MGLL: variants seen among roughly 807,000 people sequenced by gnomAD.
The protein encoded by MGLL is monoglyceride lipase.
Under a neutral mutation model 29.1 loss-of-function variants are expected in MGLL, and 7 were observed. The observed-to-expected ratio is 0.24, with a 90% confidence interval of 0.14 to 0.45. The LOEUF (loss-of-function observed/expected upper bound fraction) is 0.45. MGLL is among the 20% of genes least tolerant of loss of function. The pLI, the probability that MGLL is intolerant of heterozygous loss-of-function variation, is 0.99. For missense variants in MGLL, 356 were observed against 413.6 expected, an observed-to-expected ratio of 0.86 and a Z score of 1.21; for synonymous variants, 148 against 168.3, an observed-to-expected ratio of 0.88 and a Z score of 0.93.
intron 2 of MGLL, among the ~76,000 whole-genome samples, chr3:127,803,602 G>T (rs2077515916): frequency 6.6e-6 from 1 of 152,196 alleles, no homozygotes. Context: ...AAAGAAGAGA[G>T]CTAGACTCTA....
At chr3:127,811,909 A>G (rs147741253) in intron 2 of MGLL, among the ~76,000 whole-genome samples, 12 of 152,382 alleles carry the variant, frequency 7.9e-5, no homozygotes, top group Non-Finnish European at 1.0e-4. Flanking sequence ...TGGGAGCAAC[A>G]GAAGACCCAT....
At chr3:127,711,991 G>A (rs1398324564) in intron 5 of MGLL, 2 of 152,396 alleles carry the variant, frequency 1.3e-5, no homozygotes, top group East Asian at 1.9e-4. Context: ...CAAGGTGCTG[G>A]GATTATAGGC....
chr3:127,750,626 G>A (rs1311742702), intron 3 of MGLL, among the ~76,000 whole-genome samples: 2 of 84,764 alleles, frequency 2.4e-5, no homozygotes, highest in Non-Finnish European at 5.7e-5. Context: ...CCGGGCAAAC[G>A]CACACTGACA....
intron 2 of MGLL, among the ~76,000 whole-genome samples, chr3:127,790,104 T>A (rs781072051): frequency 6.6e-6 from 1 of 152,210 alleles, no homozygotes; most frequent in Non-Finnish European, 1.5e-5. Context: ...ATCTGATTCT[T>A]TGGACTTGAA....
intron 3 of MGLL, among the ~76,000 whole-genome samples, chr3:127,766,324 G>T (rs751157728): frequency 2.6e-5 from 4 of 152,162 alleles, no homozygotes; most frequent in Non-Finnish European, 5.9e-5. Context: ...CACACGGCAG[G>T]TTCTCATATA....
chr3:127,775,783 C>G (rs995064941), intron 3 of MGLL, among the ~76,000 whole-genome samples: 1 of 152,188 alleles, frequency 6.6e-6, no homozygotes, highest in African/African-American at 2.4e-5. Flanking sequence ...GGGGAAGGGC[C>G]CTTTCCAGCA....
At chr3:127,765,877 G>C (rs974799589) in intron 3 of MGLL, among the ~76,000 whole-genome samples, 2 of 152,226 alleles carry the variant, frequency 1.3e-5, no homozygotes, top group Admixed American at 1.3e-4. Context: ...TTCTCAGCCA[G>C]TGACTAATGT....
Position 127,689,102 on chromosome 3 carries a change from T to C in MGLL, c.*3096A>G, listed in dbSNP as rs1475389087. The C allele has an allele frequency of 6.6e-6, 1 of 152,234 alleles. No individual in the cohort carries two copies. The highest frequency in any genetic ancestry group is 1.5e-5 in the Non-Finnish European group (1 of 68,058). 9.4% of individuals were successfully genotyped at this position (152,234 alleles called of 1,614,324 possible). A position where few individuals can be genotyped will look rare whatever the true frequency, so the allele number is the denominator to read the frequency against. ...TCGGATTTATTAGGATTAGCTGTAG[T>C]GTACACTGATTCCTTTAGCTCTAAA... On this transcript the variant is annotated 3_prime_UTR_variant, in exon 8 of 8. Transcript: ENST00000265052.
intron 3 of MGLL, among the ~76,000 whole-genome samples, chr3:127,729,489 G>A (rs1163077491): frequency 6.6e-6 from 1 of 152,044 alleles, no homozygotes. Context: ...TCAATTCAGT[G>A]AAATTCACCT....
chr3:127,691,097 A>T lies in MGLL; in HGVS notation c.*1101T>A, dbSNP rs1249230842. On this transcript the variant is annotated 3_prime_UTR_variant, in exon 8 of 8. Coordinates refer to ENST00000265052, the MANE Select transcript of MGLL (RefSeq NM_007283.7). ...GACACTCCCAGGGTAGCTCTGGGCC[A>T]TAGGCAGGCCCAGGCCCAGGCCTAG... 1.3e-5 allele frequency: 2 copies of T among 152,686 alleles called. No homozygotes were observed. The highest frequency in any genetic ancestry group is 3.1e-3 in the Middle Eastern group (1 of 318). The allele number at this position is 152,686 out of a possible 1,614,324, so 9.5% of individuals were successfully genotyped here. A position where few individuals can be genotyped will look rare whatever the true frequency, so the allele number is the denominator to read the frequency against.
chr3:127,709,192 A>G (rs2075662077), intron 6 of MGLL, among the ~76,000 whole-genome samples: 1 of 152,230 alleles, frequency 6.6e-6, no homozygotes, highest in Admixed American at 6.5e-5. Flanking sequence ...TCCTTTATTC[A>G]GATATTCTTT....
At chr3:127,711,372 A>T (rs2075709383) in intron 5 of MGLL, 1 of 153,760 alleles carries the variant, frequency 6.5e-6, no homozygotes, top group African/African-American at 2.4e-5. Flanking sequence ...AGCTTAACAC[A>T]TGCTCATTGA....
chr3:127,710,867 T>A, intron 5 of MGLL: 3 of 600,506 alleles, frequency 5.0e-6, no homozygotes, highest in Admixed American at 2.3e-5. Context: ...CTGGCTCTGC[T>A]CCACCTTGGG....
At chr3:127,815,654 G>A (rs2077741425) in intron 2 of MGLL, among the ~76,000 whole-genome samples, 1 of 152,164 alleles carries the variant, frequency 6.6e-6, no homozygotes. Context: ...TCCGAGGGTG[G>A]AACACCATCC....
chr3:127,803,002 CAG>C (rs1351665954), intron 2 of MGLL, among the ~76,000 whole-genome samples: 6 of 150,804 alleles, frequency 4.0e-5, no homozygotes, highest in African/African-American at 7.3e-5. Flanking sequence ...TTTTTTTAGA[CAG>C]AGTCTTGCTC....
At chr3:127,774,683 G>A (rs1380077102) in intron 3 of MGLL, among the ~76,000 whole-genome samples, 1 of 152,132 alleles carries the variant, frequency 6.6e-6, no homozygotes, top group Non-Finnish European at 1.5e-5. Context: ...TGTATGGTTT[G>A]TTACACACAC....
chr3:127,696,598 C>G (rs1037178505), intron 6 of MGLL, among the ~76,000 whole-genome samples: 24 of 151,484 alleles, frequency 1.6e-4, no homozygotes, highest in African/African-American at 5.6e-4. Context: ...ATTTTTAGTA[C>G]AGACGGGGTT....
chr3:127,816,961 A>G (rs1205509942), intron 2 of MGLL, among the ~76,000 whole-genome samples: 3 of 152,212 alleles, frequency 2.0e-5, no homozygotes, highest in Non-Finnish European at 2.9e-5. Context: ...ACCTAGCTCC[A>G]TGTCACCGAC....
chr3:127,692,115 T>TTTTTA lies in MGLL; in HGVS notation c.*82_*83insTAAAA. ...TCTGATTTTTTTTTTTTTTTTTTTT[T>TTTTTA]GGCAAGCCATATCTGAGAAGCCATC... On this transcript the variant is annotated 3_prime_UTR_variant, in exon 8 of 8. Coordinates refer to ENST00000265052, the MANE Select transcript of MGLL (RefSeq NM_007283.7). The TTTTTA allele has an allele frequency of 1.6e-5, 8 of 492,142 alleles. No individual in the cohort carries two copies. The highest frequency in any genetic ancestry group is 2.7e-5 in the African/African-American group (1 of 37,154). 30.5% of individuals were successfully genotyped at this position (492,142 alleles called of 1,614,324 possible).
Sources: allele counts gnomAD v4.1 joint callset (sites outside exome capture counted in the v4.1 genomes callset), GRCh38; gene constraint gnomAD v4.1.1; transcripts MANE v1.5; gene names NCBI Gene and HGNC (gene_info 2026-07-23, HGNC 2026-07-21).